The following MYO7B variants were observed in gnomAD, a reference collection of about 807,000 sequenced individuals.
MYO7B encodes unconventional myosin-VIIb.
A neutral mutation model predicts 259.7 loss-of-function variants in MYO7B; 212 were observed. The ratio of observed to expected loss-of-function variants is 0.82; its 90% CI spans 0.73 to 0.91. The LOEUF (loss-of-function observed/expected upper bound fraction) is 0.91. Among genes scored for constraint, MYO7B ranks in the 40% least tolerant of loss-of-function variants. MYO7B has a pLI of 0.00. For synonymous variants in MYO7B, 1,197 were observed against 1,166.4 expected (o/e 1.03, Z -0.54); for missense variants, 2,732 against 2,813.5 (o/e 0.97, Z 0.66).
chr2:127,635,767 G>A lies in MYO7B; in HGVS notation c.5866G>A (p.Asp1956Asn), dbSNP rs367958506. 3.7e-6 allele frequency: 6 copies of A among 1,602,534 alleles called. No individual in the cohort carries two copies. Among genetic ancestry groups the A allele is most frequent in the Non-Finnish European group, 5.1e-6 (6 of 1,174,692 alleles). ...LRGFHKCSRE[D>N]AIHLAGLIYK... is the part of the protein sequence containing the mutation. Reference sequence around the variant, plus strand: ...CGGATTCCACAAGTGTTCGCGGGAGGATGCCATCCACCTGGCGGGCCTCAT... The same window carrying A: ...CGGATTCCACAAGTGTTCGCGGGAGAATGCCATCCACCTGGCGGGCCTCAT... Residue 1956 changes from aspartate to asparagine, a missense_variant, in exon 44 of 48, where the codon GAT becomes AAT. Coordinates refer to ENST00000409816, the MANE Select transcript of MYO7B (RefSeq NM_001393586.1).
chr2:127,547,752 T>C (rs1014141165), intron 1 of MYO7B, among the ~76,000 whole-genome samples: 4 of 152,214 alleles, frequency 2.6e-5, no homozygotes, highest in Admixed American at 2.0e-4. Context: ...GACTAAGGGG[T>C]GGCAGGAAGG....
At chr2:127,565,921 G>A (rs6745496) in intron 4 of MYO7B, among the ~76,000 whole-genome samples, 3,505 of 152,320 alleles carry the variant, frequency 0.023, 128 homozygotes, top group African/African-American at 0.08. Context: ...ACACCAGTTC[G>A]GCCTAAGTAG....
rs573061443 is a variant in MYO7B at position 127,584,005 on chromosome 2, T to A, written c.1344-117T>A. ...TCTGTGTACACGAGGTGTGCATCTG[T>A]GGGCATATCTGTATGCAGCTGTTTG... On this transcript the variant is annotated intron_variant, in intron 12 of 47. Transcript: ENST00000409816. This position sits in a 1 kb window ranked among gnomAD's most constrained non-coding sequence, Gnocchi z 5.8. 2.3e-6 allele frequency: 2 copies of A among 858,166 alleles called. No homozygotes were observed. Among genetic ancestry groups the A allele is most frequent in the Non-Finnish European group, 3.7e-6 (2 of 536,896 alleles). 53.2% of individuals were successfully genotyped at this position (858,166 alleles called of 1,614,324 possible).
In MYO7B at chr2:127,614,502, C is replaced by T. The variant is rs542168482; in HGVS notation, c.3398+1899C>T. 9.2e-5 allele frequency among the ~76,000 whole-genome samples: 14 copies of T among 152,214 alleles called. No individual in the cohort carries two copies. In the South Asian group the frequency reaches 1.2e-3, roughly 14 times the overall value. On this transcript the variant is annotated intron_variant, in intron 26 of 47. Transcript: ENST00000409816. This position sits in a 1 kb window ranked among gnomAD's most constrained non-coding sequence, Gnocchi z 4.6. Reference sequence around the variant, plus strand: ...TCAGAATTCTCCAGGAACAAGCAGGCGCTAATGTCTTTGTTCATGGAGGTC... The same window carrying T: ...TCAGAATTCTCCAGGAACAAGCAGGTGCTAATGTCTTTGTTCATGGAGGTC...
chr2:127,576,554 T>G lies in MYO7B; in HGVS notation c.736-41T>G. 7.4e-7 allele frequency: 1 copy of G among 1,349,030 alleles called. No homozygotes were observed. Among genetic ancestry groups the G allele is most frequent in the Non-Finnish European group, 1.0e-6 (1 of 966,460 alleles). 83.6% of individuals were successfully genotyped at this position (1,349,030 alleles called of 1,614,324 possible). A position where few individuals can be genotyped will look rare whatever the true frequency, so the allele number is the denominator to read the frequency against. On this transcript the variant is annotated intron_variant, in intron 7 of 47. Transcript: ENST00000409816. This position sits in a 1 kb window ranked among gnomAD's most constrained non-coding sequence, Gnocchi z 4.9. ...CTGAGGCCCTGAGGCCTCAGGGGAA[T>G]GGCTCATGAATCTGTCTGGAATGCC...
At position 127,565,326 on chromosome 2, in the gene MYO7B, C is replaced by T; in HGVS notation, c.226C>T (p.Leu76=). Residue 76 remains leucine, a synonymous_variant, in exon 4 of 48, where the codon CTG becomes TTG. Coordinates refer to ENST00000409816, the MANE Select transcript of MYO7B (RefSeq NM_001393586.1). The part of the protein sequence containing the change: ...GVDDMIRLGD[L]NEAGMVHNLL... ...GGACGACATGATCCGCCTGGGGGAC[C>T]TGAACGAGGCAGGCATGGTGCACAA... 1 of 1,614,060 alleles carries T rather than the reference C, an allele frequency of 6.2e-7. No homozygotes were observed. The highest frequency in any genetic ancestry group is 8.5e-7 in the Non-Finnish European group (1 of 1,179,884).
At chr2:127,616,333 G>C (rs557315535) in intron 26 of MYO7B, among the ~76,000 whole-genome samples, 3 of 152,264 alleles carry the variant, frequency 2.0e-5, no homozygotes, top group Admixed American at 1.3e-4. Flanking sequence ...AGATGCTATG[G>C]GTTGTGATAG....
In MYO7B at chr2:127,633,319, T is replaced by G; in HGVS notation, c.5467T>G (p.Ser1823Ala). 2 of 1,612,738 alleles carry G rather than the reference T, an allele frequency of 1.2e-6. No homozygotes were observed. The highest frequency in any genetic ancestry group is 1.7e-6 in the Non-Finnish European group (2 of 1,179,756). ...VEVEAAEQNVSRICHKIYFPN... is the reference protein window; with the variant it reads ...VEVEAAEQNVARICHKIYFPN... The stretch of plus-strand genomic sequence containing the variant: ...GGTGGAGGCCGCAGAGCAGAACGTC[T>G]CCCGCATCTGCCACAAGATCTACTT... The change falls in exon 40 of 48, where the codon TCC becomes GCC. Residue 1823 changes from serine to alanine, a missense_variant. Transcript: ENST00000409816.
rs78088000 is a variant in MYO7B, at chr2:127,629,129, G to A, written c.4625-516G>A. On this transcript the variant is annotated intron_variant, in intron 34 of 47. Transcript: ENST00000409816. ...TGGTGTGGTTAGTGCAGGGACTTCA[G>A]AAGGGGGTGCTGGTTGGGATGTAGC... Among the ~76,000 whole-genome samples, 1,149 of 152,352 alleles carry A rather than the reference G, an allele frequency of 7.5e-3. 22 individuals carry two copies. Among genetic ancestry groups the A allele is most frequent in the African/African-American group, 0.026 (1,087 of 41,584 alleles).
At chr2:127,612,037 C>T (rs943741928) in intron 24 of MYO7B, among the ~76,000 whole-genome samples, 1 of 152,150 alleles carries the variant, frequency 6.6e-6, no homozygotes, top group Non-Finnish European at 1.5e-5. Flanking sequence ...CCCTGAGCCT[C>T]TGATTCCACA....
chr2:127,571,047 T>A lies in MYO7B; in HGVS notation c.592+1137T>A, dbSNP rs373005471. 1.6e-4 allele frequency among the ~76,000 whole-genome samples: 24 copies of A among 152,334 alleles called. No individual in the cohort carries two copies. The South Asian group carries it at 5.0e-3, about 32-fold the overall frequency. ...GCTAGGAGTAAAACCTCTATAAATG[T>A]TCACATACAGGTTTTTGTGTGCACA... On this transcript the variant is annotated intron_variant, in intron 6 of 47. Coordinates refer to ENST00000409816, the MANE Select transcript of MYO7B (RefSeq NM_001393586.1).
rs983300086 is a variant in MYO7B, at chr2:127,546,347, C to T, written c.-24+10516C>T. Among the ~76,000 whole-genome samples, 2 of 152,232 alleles carry T rather than the reference C, an allele frequency of 1.3e-5. No homozygotes were observed. The highest frequency in any genetic ancestry group is 4.8e-5 in the African/African-American group (2 of 41,472). On this transcript the variant is annotated intron_variant, in intron 1 of 47. Transcript: ENST00000409816. The surrounding 1 kb of genome is among the most constrained non-coding windows in gnomAD (Gnocchi z 4.2). Reference sequence around the variant, plus strand: ...CCTGTGGAAAGTGCCCTGCACACAACCTGGCACTCAGCTGCTTGCCCACTC... The same window carrying T: ...CCTGTGGAAAGTGCCCTGCACACAATCTGGCACTCAGCTGCTTGCCCACTC...
chr2:127,612,317 T>G lies in MYO7B; in HGVS notation c.3260T>G (p.Ile1087Ser). 1 of 1,013,818 alleles carries G rather than the reference T, an allele frequency of 9.9e-7. No individual in the cohort carries two copies. The highest frequency in any genetic ancestry group is 1.5e-6 in the Non-Finnish European group (1 of 672,440). The allele number at this position is 1,013,818 out of a possible 1,614,324, so 62.8% of individuals were successfully genotyped here. ...SSMKLKRSSRITGQVASQLNI... is the reference protein window; with the variant it reads ...SSMKLKRSSRSTGQVASQLNI... ...ATGAAGCTGAAGCGGTCCTCCCGGA[T>G]CACAGGCCAGGTGAGCCCAGAGCAC... The change falls in exon 25 of 48, where the codon ATC (isoleucine) becomes AGC (serine). Residue 1087 changes from isoleucine (I) to serine (S), a missense_variant. Ile to Ser is a moderately radical substitution (Grantham distance 142). Coordinates refer to ENST00000409816, the MANE Select transcript of MYO7B (RefSeq NM_001393586.1).
At chr2:127,631,508 G>T (rs1681506927) in intron 37 of MYO7B, 92 bp from the exon 38 acceptor site, 2 of 1,531,110 alleles carry the variant, frequency 1.3e-6, no homozygotes, top group Non-Finnish European at 1.8e-6. Context: ...CCCACACATG[G>T]CTCACCGCAG....
At position 127,635,858 on chromosome 2, in the gene MYO7B, T is replaced by A. The variant is rs1012187492; in HGVS notation, c.5957T>A (p.Leu1986Gln). Reference sequence around the variant, plus strand: ...AGTGTCCCCAAGATCCTGAGGGAACTGGTGCCTGAGAACCTCACACGCCTG... The same window carrying A: ...AGTGTCCCCAAGATCCTGAGGGAACAGGTGCCTGAGAACCTCACACGCCTG... ...LASVPKILRE[L>Q]VPENLTRLMS... is the part of the protein sequence containing the mutation. The change falls in exon 44 of 48, where the codon CTG becomes CAG. Residue 1986 changes from leucine (L) to glutamine (Q), a missense_variant. By Grantham distance (113) the Leu-to-Gln change is moderately radical. This residue lies in a region of MYO7B where 821 missense variants were observed against 769.3 expected (regional missense o/e 1.07). Coordinates refer to ENST00000409816, the MANE Select transcript of MYO7B (RefSeq NM_001393586.1). 1 of 1,583,716 alleles carries A rather than the reference T, an allele frequency of 6.3e-7. No homozygotes were observed. Among genetic ancestry groups the A allele is most frequent in the Non-Finnish European group, 8.6e-7 (1 of 1,165,442 alleles).
rs1023430096 is a variant in MYO7B, at chr2:127,569,724, A to G, written c.471-65A>G. On this transcript the variant is annotated intron_variant, in intron 5 of 47. Coordinates refer to ENST00000409816, the MANE Select transcript of MYO7B (RefSeq NM_001393586.1). ...AAAGCAGGACTGGGGTTTGCAGGAG[A>G]GTTGAGAGGTGTTGAAAAAAATAGT... 3.2e-6 allele frequency: 5 copies of G among 1,539,654 alleles called. 1 individual carries two copies. In the Admixed American group the frequency reaches 5.5e-5, roughly 17 times the overall value.
Position 127,565,239 on chromosome 2 carries a change from T to C in MYO7B, c.139T>C (p.Trp47Arg). Residue 47 changes from tryptophan (W) to arginine (R), a missense_variant, in exon 4 of 48, where the codon TGG becomes CGG. Trp to Arg is a moderately radical substitution (Grantham distance 101). This residue lies in a region of MYO7B where 1,906 missense variants were observed against 2,026.4 expected (regional missense o/e 0.94). Coordinates refer to ENST00000409816, the MANE Select transcript of MYO7B (RefSeq NM_001393586.1). Reference protein sequence around the residue: ...LVEDDEGKEHWIRAEDFGVLS... With the variant: ...LVEDDEGKEHRIRAEDFGVLS... ...TCTGCACCCATTGTTCCAGGAACAC[T>C]GGATCCGAGCAGAGGACTTTGGTGT... 6.2e-7 allele frequency: 1 copy of C among 1,613,576 alleles called. No individual in the cohort carries two copies. Among genetic ancestry groups the C allele is most frequent in the African/African-American group, 1.3e-5 (1 of 75,026 alleles).
In MYO7B at chr2:127,542,010, G is replaced by A. The variant is rs529453396; in HGVS notation, c.-24+6179G>A. ...CCCACTGGGAGAAGACAGGATGGAG[G>A]ACTGTAACTTCTCATTCTTACCCTG... is the stretch of plus-strand genomic sequence containing the variant. On this transcript the variant is annotated intron_variant, in intron 1 of 47. Coordinates refer to ENST00000409816, the MANE Select transcript of MYO7B (RefSeq NM_001393586.1). Among the ~76,000 whole-genome samples, 11 of 152,390 alleles carry A rather than the reference G, an allele frequency of 7.2e-5. No individual in the cohort carries two copies. The East Asian group carries it at 1.9e-3, about 27-fold the overall frequency.
In MYO7B at chr2:127,584,023, G is replaced by A. The variant is rs545262599; in HGVS notation, c.1344-99G>A. ...GCATCTGTGGGCATATCTGTATGCA[G>A]CTGTTTGCAGATGGCTGGTGATCCT... On this transcript the variant is annotated intron_variant, in intron 12 of 47. Coordinates refer to ENST00000409816, the MANE Select transcript of MYO7B (RefSeq NM_001393586.1). This position sits in a 1 kb window ranked among gnomAD's most constrained non-coding sequence, Gnocchi z 5.8. 4.8e-5 allele frequency: 51 copies of A among 1,068,436 alleles called. No individual in the cohort carries two copies. In the East Asian group the frequency reaches 1.3e-3, roughly 28 times the overall value. 66.2% of individuals were successfully genotyped at this position (1,068,436 alleles called of 1,614,324 possible).
Sources: gnomAD v4.1 joint callset for allele counts (sites outside exome capture counted in the v4.1 genomes callset) on GRCh38, gnomAD v4.1.1 for gene constraint, gnomAD v4.1.1 regional missense constraint, Gnocchi (gnomAD v3.1) non-coding constraint, MANE v1.5 for transcripts, NCBI Gene and HGNC (gene_info 2026-07-23, HGNC 2026-07-21) for gene names.